SLA: variants seen among roughly 807,000 people sequenced by gnomAD.
SLA encodes the protein Src like adaptor, also known as src-like-adapter.
A neutral mutation model predicts 30.3 loss-of-function variants in SLA; 16 were observed. The ratio of observed to expected loss-of-function variants is 0.53; its 90% CI spans 0.36 to 0.80. SLA has a LOEUF of 0.80. SLA is among the 30% of genes least tolerant of loss of function. The pLI, the probability that SLA is intolerant of heterozygous loss-of-function variation, is 0.01. For synonymous variants in SLA, 143 were observed against 137.8 expected (o/e 1.04, Z -0.26); for missense variants, 310 against 345.2 (o/e 0.90, Z 0.81).
At chr8:133,097,289 G>A (rs1306599182) in intron 1 of SLA, among the ~76,000 whole-genome samples, 1 of 152,160 alleles carries the variant, frequency 6.6e-6, no homozygotes, top group Non-Finnish European at 1.5e-5. Context: ...TCACCTTGGG[G>A]ACTCTATCCT....
At chr8:133,089,733 T>C (rs1040148124) in intron 1 of SLA, among the ~76,000 whole-genome samples, 38 of 152,194 alleles carry the variant, frequency 2.5e-4, no homozygotes, top group African/African-American at 8.9e-4. Flanking sequence ...CCAGGCCCTG[T>C]CCTGGGGCTG....
intron 3 of SLA, among the ~76,000 whole-genome samples, chr8:133,057,946 T>C (rs1340493280): frequency 1.3e-5 from 2 of 152,176 alleles, no homozygotes; most frequent in Non-Finnish European, 1.5e-5. Flanking sequence ...GGAGGGTCTG[T>C]GGTGCCTCTC....
At chr8:133,050,984 T>A in intron 3 of SLA, 69 bp from the exon 4 acceptor site, 2 of 867,330 alleles carry the variant, frequency 2.3e-6, no homozygotes, top group South Asian at 2.7e-5. Context: ...AAAGGTAGGC[T>A]TGGGAGGGAG....
At chr8:133,084,838 G>A (rs2131560855) in intron 1 of SLA, among the ~76,000 whole-genome samples, 1 of 152,342 alleles carries the variant, frequency 6.6e-6, no homozygotes, top group Admixed American at 6.5e-5. Flanking sequence ...GGACTGCCGT[G>A]CCTGTCAAAG....
Position 133,087,113 on chromosome 8 carries a change from C to T in SLA, c.-318-11983G>A, listed in dbSNP as rs1332110099. On this transcript the variant is annotated intron_variant, in intron 1 of 8. Coordinates refer to ENST00000338087, the MANE Select transcript of SLA (RefSeq NM_001045556.3). ...ACACACACACACACACACACACACA[C>T]ACACACACACGGAAGAGACATATTG... 2.6e-5 allele frequency among the ~76,000 whole-genome samples: 3 copies of T among 113,890 alleles called. No homozygotes were observed. The East Asian group carries it at 7.5e-4, about 29-fold the overall frequency. 74.7% of individuals were successfully genotyped at this position (113,890 alleles called of 152,430 possible). A position where few individuals can be genotyped will look rare whatever the true frequency, so the allele number is the denominator to read the frequency against.
intron 5 of SLA, chr8:133,049,416 T>G: frequency 3.5e-6 from 1 of 287,394 alleles, no homozygotes; most frequent in South Asian, 3.3e-5. Context: ...CATCTTATTC[T>G]CCTAACAACC....
intron 3 of SLA, among the ~76,000 whole-genome samples, chr8:133,057,466 G>A (rs1841652376): frequency 6.6e-6 from 1 of 152,188 alleles, no homozygotes. Flanking sequence ...ATATAACCTG[G>A]TGCAGTCAGG....
intron 5 of SLA, chr8:133,049,020 C>G (rs993859209): frequency 2.7e-6 from 1 of 366,562 alleles, no homozygotes; most frequent in African/African-American, 2.1e-5. Flanking sequence ...CATTTCTTTG[C>G]CAACTTCCAG....
Position 133,074,845 on chromosome 8 carries a change from C to CA in SLA, c.-41+7dup. The CA allele has an allele frequency of 2.0e-6, 2 of 985,602 alleles. No individual in the cohort carries two copies. The highest frequency in any genetic ancestry group is 9.4e-5 in the South Asian group (2 of 21,300). The allele number at this position is 985,602 out of a possible 1,614,324, so 61.1% of individuals were successfully genotyped here. ...CCACCCCATCTCTGCCACATACTCC[C>CA]AAAATACCTTCACACACTGGGCATG... On this transcript the variant is annotated splice_region_variant and intron_variant, in intron 2 of 8. Transcript: ENST00000338087.
rs374093417 is a variant in SLA at position 133,102,572 on chromosome 8, C to T, written c.-338G>A. ...ACCTACCGGTGGAGCATCAGGGCTG[C>T]CTGAGATGTTCTCCATTCGCAGCAA... On this transcript the variant is annotated 5_prime_UTR_variant, in exon 1 of 9. Transcript: ENST00000338087. 24 of 1,551,470 alleles carry T rather than the reference C, an allele frequency of 1.5e-5. No homozygotes were observed. In the African/African-American group the frequency reaches 2.7e-4, roughly 18 times the overall value.
At chr8:133,078,746 A>T (rs1845284587) in intron 1 of SLA, among the ~76,000 whole-genome samples, 1 of 152,166 alleles carries the variant, frequency 6.6e-6, no homozygotes. Flanking sequence ...TTCATTACGT[A>T]TTTGCTGAAT....
At chr8:133,090,792 C>T (rs1434803789) in intron 1 of SLA, among the ~76,000 whole-genome samples, 1 of 152,146 alleles carries the variant, frequency 6.6e-6, no homozygotes, top group Admixed American at 6.5e-5. Flanking sequence ...GCAAAATGGC[C>T]ATGGGCAGAG....
intron 1 of SLA, among the ~76,000 whole-genome samples, chr8:133,088,495 A>T (rs549458074): frequency 2.6e-5 from 4 of 152,192 alleles, no homozygotes; most frequent in African/African-American, 9.7e-5. Context: ...TCCAAGCCTC[A>T]GTCTCTCTAT....
chr8:133,100,034 G>A (rs1849010357), intron 1 of SLA, among the ~76,000 whole-genome samples: 1 of 152,174 alleles, frequency 6.6e-6, no homozygotes, highest in South Asian at 2.1e-4. Context: ...GAAAATTCCA[G>A]TCTTCTATGA....
intron 1 of SLA, among the ~76,000 whole-genome samples, chr8:133,094,387 C>A (rs1004749741): frequency 2.0e-5 from 3 of 151,952 alleles, no homozygotes; most frequent in African/African-American, 4.8e-5. Context: ...ACTACAGGCG[C>A]CCGTCACCAC....
Position 133,047,921 on chromosome 8 carries a change from C to G in SLA, c.261G>C (p.Glu87Asp). 1 of 1,606,932 alleles carries G rather than the reference C, an allele frequency of 6.2e-7. No homozygotes were observed. Residue 87 changes from glutamate to aspartate, a missense_variant, in exon 6 of 9, where the codon GAG becomes GAC. Transcript: ENST00000338087. ...VARVYHGWLF[E>D]GLGRDKAEEL... Reference sequence around the variant, plus strand: ...CCTCGGCCTTGTCTCTGCCCAGGCCCTCAAACAGCCAGCTGGGAAGGAGGA... The same window carrying G: ...CCTCGGCCTTGTCTCTGCCCAGGCCGTCAAACAGCCAGCTGGGAAGGAGGA...
chr8:133,039,951 A>G (rs906994352), intron 8 of SLA, 47 bp downstream of exon 8: 4 of 1,480,102 alleles, frequency 2.7e-6, no homozygotes, highest in South Asian at 2.5e-5. Context: ...GAGCACTTGC[A>G]TGCACACACA....
rs77847074 is a variant in SLA, at chr8:133,072,659, A to G, written c.-41+2194T>C. Reference sequence around the variant, plus strand: ...AAAACCCAGCAGCATCTATTAATGCAGGGCACTGATTTAGGTGCACTAGAA... The same window carrying G: ...AAAACCCAGCAGCATCTATTAATGCGGGGCACTGATTTAGGTGCACTAGAA... On this transcript the variant is annotated intron_variant, in intron 2 of 8. Coordinates refer to ENST00000338087, the MANE Select transcript of SLA (RefSeq NM_001045556.3). 3.9e-3 allele frequency among the ~76,000 whole-genome samples: 594 copies of G among 152,374 alleles called. 4 individuals are homozygous for G. The highest frequency in any genetic ancestry group is 0.014 in the African/African-American group (566 of 41,590).
intron 6 of SLA, among the ~76,000 whole-genome samples, chr8:133,045,893 C>T (rs1414402397): frequency 6.6e-6 from 1 of 152,198 alleles, no homozygotes; most frequent in African/African-American, 2.4e-5. Context: ...TGCCACAGCA[C>T]ACATTTGAGG....
Sources: allele counts gnomAD v4.1 joint callset (sites outside exome capture counted in the v4.1 genomes callset), GRCh38; gene constraint gnomAD v4.1.1; transcripts MANE v1.5; gene names NCBI Gene and HGNC (gene_info 2026-07-23, HGNC 2026-07-21).